Variants in CNTNAP3B observed in about 807,000 individuals in gnomAD.
The protein encoded by CNTNAP3B is contactin-associated protein-like 3B.
A neutral mutation model predicts 108.9 loss-of-function variants in CNTNAP3B; 25 were observed. The observed-to-expected ratio is 0.23, with a 90% CI of 0.17 to 0.32. The LOEUF (loss-of-function observed/expected upper bound fraction) is 0.32, where lower values mean the gene tolerates loss of function less well. Ranked by LOEUF, CNTNAP3B falls within the 10% of genes least tolerant of loss-of-function variation. The pLI is 1.00. For synonymous variants in CNTNAP3B, 103 were observed against 473.4 expected, an observed-to-expected ratio of 0.22 and a Z score of 10.16; for missense variants, 252 against 1,210.4, an observed-to-expected ratio of 0.21 and a Z score of 11.75.
At chr9:41,943,854 A>T (rs1824442926) in intron 13 of CNTNAP3B, among the ~76,000 whole-genome samples, 1 of 152,294 alleles carries the variant, frequency 6.6e-6, no homozygotes, top group Non-Finnish European at 1.5e-5. Context: ...AACCACACCT[A>T]GGCATCTCAT....
At chr9:41,962,907 A>G (rs1416235704) in intron 11 of CNTNAP3B, among the ~76,000 whole-genome samples, 2 of 151,808 alleles carry the variant, frequency 1.3e-5, no homozygotes, top group Non-Finnish European at 2.9e-5. Flanking sequence ...GTGAGCTGAG[A>G]TCATGACACT....
chr9:41,932,040 G>T (rs1426035285), intron 14 of CNTNAP3B, among the ~76,000 whole-genome samples: 384 of 151,704 alleles, frequency 2.5e-3, no homozygotes, highest in Middle Eastern at 6.8e-3. Context: ...TGAGCATAAA[G>T]ATAGCCAGTG....
rs867684858 is a variant in CNTNAP3B, at chr9:42,124,194, G to A, written c.85+4816C>T. Among the ~76,000 whole-genome samples the A allele has an allele frequency of 1.2e-3, 155 of 134,448 alleles. 21 individuals are homozygous for A. The highest frequency in any genetic ancestry group is 0.011 in the Middle Eastern group (3 of 278). The allele number at this position is 134,448 out of a possible 152,430, so 88.2% of individuals were successfully genotyped here. Reference sequence around the variant, plus strand: ...TGTTTTTAGATTTCAATCACTCTTCGTATTATTACAACAAAAATGTTCATT... The same window carrying A: ...TGTTTTTAGATTTCAATCACTCTTCATATTATTACAACAAAAATGTTCATT... On this transcript the variant is annotated intron_variant, in intron 1 of 23. Transcript: ENST00000377561.
intron 4 of CNTNAP3B, among the ~76,000 whole-genome samples, chr9:42,010,275 A>G (rs1467268865): frequency 7.2e-6 from 1 of 138,652 alleles, no homozygotes; most frequent in African/African-American, 2.9e-5. Context: ...GTCAGCTATG[A>G]ACAGAGACAG....
intron 13 of CNTNAP3B, among the ~76,000 whole-genome samples, chr9:41,942,041 AG>A (rs1824363037): frequency 6.6e-6 from 1 of 152,302 alleles, no homozygotes; most frequent in Admixed American, 6.5e-5. Flanking sequence ...TAAACCACCT[AG>A]GGGAATGGAA....
At chr9:41,934,726 C>T (rs1351365765) in intron 14 of CNTNAP3B, among the ~76,000 whole-genome samples, 17 of 152,382 alleles carry the variant, frequency 1.1e-4, no homozygotes, top group Middle Eastern at 3.4e-3. Context: ...TCAACTTCAC[C>T]GAGTGCTTAT....
At chr9:41,967,355 C>A (rs1825311653) in intron 10 of CNTNAP3B, among the ~76,000 whole-genome samples, 1 of 152,122 alleles carries the variant, frequency 6.6e-6, no homozygotes, top group Non-Finnish European at 1.5e-5. Flanking sequence ...TTTCCCTGCA[C>A]AGGTTCTCTT....
At chr9:41,965,091 A>C (rs1825229429) in intron 10 of CNTNAP3B, among the ~76,000 whole-genome samples, 1 of 152,292 alleles carries the variant, frequency 6.6e-6, no homozygotes, top group African/African-American at 2.4e-5. Context: ...GAAATTTTGA[A>C]GAACATTTAA....
chr9:41,943,007 C>A (rs1159893267), intron 13 of CNTNAP3B, among the ~76,000 whole-genome samples: 2 of 152,230 alleles, frequency 1.3e-5, no homozygotes, highest in Non-Finnish European at 2.9e-5. Flanking sequence ...TGAGACGAAT[C>A]AAGCAAACAT....
At chr9:42,047,814 G>A (rs1009022297) in intron 3 of CNTNAP3B, among the ~76,000 whole-genome samples, 2 of 114,186 alleles carry the variant, frequency 1.8e-5, no homozygotes, top group African/African-American at 3.7e-5. Flanking sequence ...AGTGTTTTAG[G>A]ACCAACCACT....
chr9:42,085,973 T>C (rs1488309281), intron 2 of CNTNAP3B, among the ~76,000 whole-genome samples: 1 of 142,390 alleles, frequency 7.0e-6, no homozygotes, highest in East Asian at 2.1e-4. Flanking sequence ...GACATTTGAG[T>C]TGTTTCCAGT....
chr9:41,982,116 T>C (rs1363821448), intron 9 of CNTNAP3B, among the ~76,000 whole-genome samples: 1 of 47,840 alleles, frequency 2.1e-5, no homozygotes, highest in Non-Finnish European at 3.9e-5. Context: ...TCCTGGAAGA[T>C]AACCTAGGAA....
intron 13 of CNTNAP3B, among the ~76,000 whole-genome samples, chr9:41,942,503 G>T (rs58345333): frequency 1.1e-3 from 160 of 150,794 alleles, no homozygotes; most frequent in African/African-American, 3.7e-3. Flanking sequence ...CCCAGCTACT[G>T]GGGAGGCTGA....
In CNTNAP3B at chr9:42,110,624, G is replaced by A. The variant is rs1191995089; in HGVS notation, c.86-5885C>T. 3.6e-5 allele frequency among the ~76,000 whole-genome samples: 5 copies of A among 137,448 alleles called. 1 individual carries two copies. The highest frequency in any genetic ancestry group is 7.7e-5 in the Non-Finnish European group (5 of 64,564). The allele number at this position is 137,448 out of a possible 152,430, so 90.2% of individuals were successfully genotyped here. On this transcript the variant is annotated intron_variant, in intron 1 of 23. Transcript: ENST00000377561. The stretch of plus-strand genomic sequence containing the variant: ...CTAACTCCACAGCAGGCTTCTCTCT[G>A]GTTCCACATATTGAGTCAGCAGGGA...
At chr9:42,047,103 T>TA (rs1420402226) in intron 3 of CNTNAP3B, among the ~76,000 whole-genome samples, 1 of 86,386 alleles carries the variant, frequency 1.2e-5, no homozygotes, top group Non-Finnish European at 2.3e-5. Flanking sequence ...TATGAGATGT[T>TA]AGTCACATTC....
chr9:41,928,434 G>A (rs548834766), intron 15 of CNTNAP3B, among the ~76,000 whole-genome samples: 5 of 151,912 alleles, frequency 3.3e-5, no homozygotes, highest in South Asian at 2.1e-4. Context: ...GCCGGTCCCC[G>A]CCCTCTCTGG....
intron 3 of CNTNAP3B, among the ~76,000 whole-genome samples, chr9:42,029,783 C>T (rs1826479047): frequency 1.9e-5 from 2 of 104,466 alleles, no homozygotes; most frequent in Non-Finnish European, 3.8e-5. Context: ...CCCACCTTGG[C>T]CTCCCAAAGT....
At chr9:41,949,148 T>C (rs1398076391) in intron 13 of CNTNAP3B, among the ~76,000 whole-genome samples, 56 of 80,770 alleles carry the variant, frequency 6.9e-4, no homozygotes, top group Non-Finnish European at 1.1e-3. Flanking sequence ...CAACAGCACT[T>C]ACAATCAATC....
intron 3 of CNTNAP3B, among the ~76,000 whole-genome samples, chr9:42,036,100 T>C (rs1054227718): frequency 1.3e-5 from 2 of 149,768 alleles, no homozygotes; most frequent in African/African-American, 2.5e-5. Flanking sequence ...ACAGGGAGAC[T>C]CCGTCTCAAA....
Sources: allele counts gnomAD v4.1 joint callset (sites outside exome capture counted in the v4.1 genomes callset), GRCh38; gene constraint gnomAD v4.1.1; transcripts MANE v1.5; gene names NCBI Gene and HGNC (gene_info 2026-07-23, HGNC 2026-07-21).